The following RAB27A variants were observed in gnomAD, a reference collection of about 807,000 sequenced individuals.
RAB27A encodes RAB27A, member RAS oncogene family, also known as ras-related protein Rab-27A.
A neutral mutation model predicts 20.8 loss-of-function variants in RAB27A; 17 were observed. The ratio of observed to expected loss-of-function variants is 0.82; its 90% CI spans 0.56 to 1.23. The LOEUF (loss-of-function observed/expected upper bound fraction) is 1.23, where lower values mean the gene tolerates loss of function less well. Among genes scored for constraint, RAB27A ranks in the 50% most tolerant of loss-of-function variants. The probability of loss-of-function intolerance (pLI) is 0.00; values close to 1 mark genes in which losing one functional copy is unlikely to be tolerated. For missense variants in RAB27A, 277 were observed against 266.7 expected, an observed-to-expected ratio of 1.04 and a Z score of -0.27; for synonymous variants, 85 against 92.8, an observed-to-expected ratio of 0.92 and a Z score of 0.48.
intron 3 of RAB27A, among the ~76,000 whole-genome samples, chr15:55,234,471 G>C (rs1896169928): frequency 6.6e-6 from 1 of 152,162 alleles, no homozygotes; most frequent in African/African-American, 2.4e-5. Flanking sequence ...GGGGCAAGGT[G>C]GTTGGCAGGC....
At chr15:55,303,292 C>T (rs1313257213) in intron 2 of RAB27A, among the ~76,000 whole-genome samples, 3 of 106,572 alleles carry the variant, frequency 2.8e-5, no homozygotes, top group Non-Finnish European at 3.8e-5. Context: ...CCAGCCGCCC[C>T]GTCCGGGAGG....
chr15:55,252,723 C>CA (rs780376638), intron 2 of RAB27A, among the ~76,000 whole-genome samples: 125 of 150,762 alleles, frequency 8.3e-4, no homozygotes, highest in Non-Finnish European at 1.2e-3. Flanking sequence ...TATCTATATA[C>CA]AAAAAAAAAG....
Position 55,204,541 on chromosome 15 carries a change from G to A in RAB27A, c.*966C>T, listed in dbSNP as rs1335766337. 3 of 152,108 alleles carry A rather than the reference G, an allele frequency of 2.0e-5. No homozygotes were observed. The highest frequency in any genetic ancestry group is 4.8e-5 in the African/African-American group (2 of 41,420). The allele number at this position is 152,108 out of a possible 1,614,324, so 9.4% of individuals were successfully genotyped here. The stretch of plus-strand genomic sequence containing the variant: ...ACAAGTTGCAAATATCAACAATACA[G>A]AGCCTGCTGGTAAAGATAGAGATGA... On this transcript the variant is annotated 3_prime_UTR_variant, in exon 7 of 7. Transcript: ENST00000336787.
At chr15:55,307,569 G>A (rs1247491015) in intron 2 of RAB27A, among the ~76,000 whole-genome samples, 2 of 151,884 alleles carry the variant, frequency 1.3e-5, no homozygotes. Flanking sequence ...CACTCTGTAA[G>A]CCTCAGGGAA....
At chr15:55,275,940 A>AC (rs1555399564) in intron 1 of RAB27A, among the ~76,000 whole-genome samples, 15 of 150,896 alleles carry the variant, frequency 9.9e-5, no homozygotes, top group East Asian at 3.9e-4. Context: ...AAAAAAAAAA[A>AC]CAAGAGATAA....
At chr15:55,235,876 T>C (rs59912005) in intron 2 of RAB27A, among the ~76,000 whole-genome samples, 13,213 of 152,152 alleles carry the variant, frequency 0.087, 1,975 homozygotes, top group African/African-American at 0.3. Flanking sequence ...CTGGATGGAA[T>C]TGAAGACAAT....
At chr15:55,251,163 C>T (rs182831598) in intron 2 of RAB27A, among the ~76,000 whole-genome samples, 84 of 152,338 alleles carry the variant, frequency 5.5e-4, no homozygotes, top group Admixed American at 3.3e-3. Flanking sequence ...CTCTTTTATT[C>T]AGCGTCTCCT....
chr15:55,228,662 A>G lies in RAB27A; in HGVS notation c.290T>C (p.Leu97Pro). The change falls in exon 5 of 7, where the codon CTA (leucine) becomes CCA (proline). Residue 97 changes from leucine (L) to proline (P), a missense_variant. Physicochemically the swap from Leu to Pro is moderately conservative, Grantham distance 98 (BLOSUM62 -3). Coordinates refer to ENST00000336787, the MANE Select transcript of RAB27A (RefSeq NM_183235.3). ...AFFRDAMGFLLLFDLTNEQSF... is the reference protein window; with the variant it reads ...AFFRDAMGFLPLFDLTNEQSF... ...TTGCTCATTTGTCAGATCAAAAAGTAGAAGAAAACCCATAGCATCTCTGAA... is the reference window on the plus strand; with the variant it reads ...TTGCTCATTTGTCAGATCAAAAAGTGGAAGAAAACCCATAGCATCTCTGAA... 6.2e-7 allele frequency: 1 copy of G among 1,613,902 alleles called. No individual in the cohort carries two copies. The highest frequency in any genetic ancestry group is 8.5e-7 in the Non-Finnish European group (1 of 1,179,766).
At position 55,255,570 on chromosome 15, in the gene RAB27A, T is replaced by C. The variant is rs73413644; in HGVS notation, c.-23+14595A>G. Among the ~76,000 whole-genome samples the C allele has an allele frequency of 8.3e-3, 1,266 of 152,338 alleles. 22 individuals are homozygous for C. Among genetic ancestry groups the C allele is most frequent in the African/African-American group, 0.029 (1,215 of 41,564 alleles). On this transcript the variant is annotated intron_variant, in intron 2 of 6. Transcript: ENST00000336787. ...CCTTCCGCTGGTTCCCTCCATTCCCTGCCAATTTTATTTAGAAGTGACTCA... is the reference window on the plus strand; with the variant it reads ...CCTTCCGCTGGTTCCCTCCATTCCCCGCCAATTTTATTTAGAAGTGACTCA...
chr15:55,273,977 C>T (rs1363916299), intron 1 of RAB27A, among the ~76,000 whole-genome samples: 3 of 152,042 alleles, frequency 2.0e-5, no homozygotes, highest in African/African-American at 4.8e-5. Flanking sequence ...AATATTCTTC[C>T]GGATAGAACA....
intron 3 of RAB27A, 71 bp from the exon 4 acceptor site, chr15:55,230,557 T>C: frequency 7.9e-7 from 1 of 1,258,602 alleles, no homozygotes; most frequent in Admixed American, 1.7e-5. Context: ...ACCTTTTTGT[T>C]CAGTACAAAT....
intron 2 of RAB27A, among the ~76,000 whole-genome samples, chr15:55,243,951 C>G (rs1231051623): frequency 6.6e-6 from 1 of 152,108 alleles, no homozygotes; most frequent in African/African-American, 2.4e-5. Context: ...AAATTCATAT[C>G]CTAAGTCACA....
intron 1 of RAB27A, among the ~76,000 whole-genome samples, chr15:55,280,503 T>TTTTATATATATATATATA (rs145726974): frequency 2.2e-5 from 3 of 137,940 alleles, no homozygotes; most frequent in African/African-American, 8.6e-5. Context: ...TGGGTATGGT[T>TTTTATATATATATATATA]TATATATATA....
chr15:55,282,190 C>A lies in RAB27A; in HGVS notation c.-143+7526G>T, dbSNP rs969256770. On this transcript the variant is annotated intron_variant, in intron 1 of 6. Transcript: ENST00000336787. ...CCATCTAGATGTCACTTCTTTTGAACAACACATAGAATTTTGGATTGTCCA... is the reference window on the plus strand; with the variant it reads ...CCATCTAGATGTCACTTCTTTTGAAAAACACATAGAATTTTGGATTGTCCA... Among the ~76,000 whole-genome samples the A allele has an allele frequency of 3.9e-5, 6 of 152,288 alleles. No individual in the cohort carries two copies. In the South Asian group the frequency reaches 1.0e-3, roughly 26 times the overall value.
At chr15:55,283,327 T>C (rs1898065179) in intron 1 of RAB27A, among the ~76,000 whole-genome samples, 2 of 152,122 alleles carry the variant, frequency 1.3e-5, no homozygotes, top group African/African-American at 4.8e-5. Context: ...TGGTGTGATA[T>C]CACATAGTTA....
chr15:55,221,477 A>C (rs534706399), intron 6 of RAB27A, among the ~76,000 whole-genome samples: 9 of 152,098 alleles, frequency 5.9e-5, no homozygotes, highest in South Asian at 2.1e-4. Flanking sequence ...TCAGGGGAGC[A>C]GGGGGACATT....
At chr15:55,242,346 T>G (rs1896525931) in intron 2 of RAB27A, among the ~76,000 whole-genome samples, 1 of 152,204 alleles carries the variant, frequency 6.6e-6, no homozygotes, top group South Asian at 2.1e-4. Context: ...GCAAATAGGC[T>G]TGAGTTCAAA....
chr15:55,300,509 G>A (rs1425293834), intron 2 of RAB27A, among the ~76,000 whole-genome samples: 3 of 152,008 alleles, frequency 2.0e-5, no homozygotes, highest in Non-Finnish European at 2.9e-5. Flanking sequence ...GAGAAACCCC[G>A]TCTCTACTAA....
chr15:55,279,464 G>A (rs1897958838), intron 1 of RAB27A, among the ~76,000 whole-genome samples: 1 of 152,164 alleles, frequency 6.6e-6, no homozygotes, highest in Non-Finnish European at 1.5e-5. Flanking sequence ...GGGGCTTTCT[G>A]GTTATACACA....
Sources: gnomAD v4.1 joint callset for allele counts (sites outside exome capture counted in the v4.1 genomes callset) on GRCh38, gnomAD v4.1.1 for gene constraint, MANE v1.5 for transcripts, NCBI Gene and HGNC (gene_info 2026-07-23, HGNC 2026-07-21) for gene names.